The following BHMT variants were observed in gnomAD, a reference collection of about 807,000 sequenced individuals.
BHMT encodes the protein betaine--homocysteine S-methyltransferase 1.
A neutral mutation model predicts 49.5 loss-of-function variants in BHMT; 38 were observed. The observed-to-expected ratio is 0.77, with a 90% CI of 0.59 to 1.01. BHMT has a LOEUF of 1.01. Among genes scored for constraint, BHMT ranks in the 50% least tolerant of loss-of-function variants. The pLI, the probability that BHMT is intolerant of heterozygous loss-of-function variation, is 0.00. For synonymous variants in BHMT, 166 were observed against 176.3 expected, an observed-to-expected ratio of 0.94 and a Z score of 0.46; for missense variants, 426 against 495.7, an observed-to-expected ratio of 0.86 and a Z score of 1.34.
At chr5:79,120,188 G>T in intron 3 of BHMT, 162 bp from the exon 4 acceptor site, 2 of 595,968 alleles carry the variant, frequency 3.4e-6, no homozygotes, top group Non-Finnish European at 2.7e-6. Context: ...TATTGTTATG[G>T]CAAACTGTTC....
rs1756632995 is a variant in BHMT, at chr5:79,131,033, G to C, written c.1138G>C (p.Ala380Pro). The change falls in exon 8 of 8, where the codon GCC becomes CCC. Residue 380 changes from alanine (A) to proline (P), a missense_variant. By Grantham distance (27) the Ala-to-Pro change is conservative. Coordinates refer to ENST00000274353, the MANE Select transcript of BHMT (RefSeq NM_001713.3). ...PDGWGVTKGTAELMQQKEATT... is the reference protein window; with the variant it reads ...PDGWGVTKGTPELMQQKEATT... Reference sequence around the variant, plus strand: ...TGGCTGGGGAGTGACCAAAGGAACAGCCGAGCTGATGCAGCAGAAAGAAGC... The same window carrying C: ...TGGCTGGGGAGTGACCAAAGGAACACCCGAGCTGATGCAGCAGAAAGAAGC... 2 of 1,613,998 alleles carry C rather than the reference G, an allele frequency of 1.2e-6. No individual in the cohort carries two copies. The highest frequency in any genetic ancestry group is 3.3e-5 in the Admixed American group (2 of 60,010).
At chr5:79,128,861 G>T (rs576213508) in intron 7 of BHMT, among the ~76,000 whole-genome samples, 1 of 152,186 alleles carries the variant, frequency 6.6e-6, no homozygotes, top group South Asian at 2.1e-4. Flanking sequence ...ATGAGAAGCC[G>T]TGGATTAGAG....
chr5:79,123,952 G>C (rs2112729526), intron 5 of BHMT, among the ~76,000 whole-genome samples: 1 of 152,268 alleles, frequency 6.6e-6, no homozygotes, highest in South Asian at 2.1e-4. Context: ...ATATCATGCA[G>C]CTATAAGAAG....
intron 3 of BHMT, 30 bp from the exon 4 acceptor site, chr5:79,120,320 T>G: frequency 2.0e-6 from 3 of 1,528,048 alleles, no homozygotes; most frequent in Non-Finnish European, 2.6e-6. Flanking sequence ...ACATGAAAAT[T>G]TAGATGTCTC....
At chr5:79,127,715 G>T (rs757872848) in intron 6 of BHMT, 40 bp from the exon 7 acceptor site, 1 of 1,583,054 alleles carries the variant, frequency 6.3e-7, no homozygotes, top group Admixed American at 1.8e-5. Context: ...TTTATGAAAA[G>T]AATGTATAAT....
intron 4 of BHMT, among the ~76,000 whole-genome samples, chr5:79,120,935 G>A (rs925551873): frequency 6.6e-6 from 1 of 152,052 alleles, no homozygotes; most frequent in East Asian, 1.9e-4. Flanking sequence ...TGTGGATCAC[G>A]AGGTCAGGAG....
chr5:79,125,440 A>T (rs1580273761), intron 5 of BHMT, among the ~76,000 whole-genome samples: 1 of 139,642 alleles, frequency 7.2e-6, no homozygotes, highest in East Asian at 2.2e-4. Context: ...TGGGCAACAG[A>T]GCAAGAGTCT....
intron 5 of BHMT, among the ~76,000 whole-genome samples, chr5:79,121,810 G>A (rs1177377213): frequency 3.2e-5 from 3 of 93,826 alleles, no homozygotes; most frequent in Non-Finnish European, 4.1e-5. Flanking sequence ...GCGAGATTCC[G>A]TCTCAATAAA....
At chr5:79,125,151 T>G (rs1443004131) in intron 5 of BHMT, among the ~76,000 whole-genome samples, 1 of 151,436 alleles carries the variant, frequency 6.6e-6, no homozygotes, top group Non-Finnish European at 1.5e-5. Context: ...ATTCTAATAA[T>G]TTTTTTTTGA....
chr5:79,124,909 C>A (rs573372), intron 5 of BHMT, among the ~76,000 whole-genome samples: 101,369 of 151,952 alleles, frequency 0.67, 34,366 homozygotes, highest in South Asian at 0.82. Flanking sequence ...TTCCTTCTAG[C>A]AAACACGTGT....
At chr5:79,126,683 A>G (rs1756557823) in intron 6 of BHMT, among the ~76,000 whole-genome samples, 1 of 152,162 alleles carries the variant, frequency 6.6e-6, no homozygotes, top group Admixed American at 6.5e-5. Flanking sequence ...CCAATTTTTA[A>G]TATGGCTCAG....
rs886534149 is a variant in BHMT at position 79,119,276 on chromosome 5, G to C, written c.184G>C (p.Glu62Gln). Residue 62 changes from glutamate to glutamine, a missense_variant, in exon 3 of 8, where the codon GAG becomes CAG. Physicochemically the swap from Glu to Gln is conservative, Grantham distance 29. Coordinates refer to ENST00000274353, the MANE Select transcript of BHMT (RefSeq NM_001713.3). Reference sequence around the variant, plus strand: ...TCTCCCAGTTCGCCAGCTTCATCGAGAGTTCCTCAGAGCTGGCTCAAACGT... The same window carrying C: ...TCTCCCAGTTCGCCAGCTTCATCGACAGTTCCTCAGAGCTGGCTCAAACGT... ...HPEAVRQLHR[E>Q]FLRAGSNVMQ... 4.4e-6 allele frequency: 7 copies of C among 1,608,762 alleles called. No homozygotes were observed. The highest frequency in any genetic ancestry group is 5.1e-6 in the Non-Finnish European group (6 of 1,178,782).
intron 2 of BHMT, among the ~76,000 whole-genome samples, chr5:79,117,137 T>C (rs934088905): frequency 2.2e-4 from 34 of 152,318 alleles, no homozygotes; most frequent in African/African-American, 8.2e-4. Context: ...AGGAGTTGTC[T>C]TCAACTGTTT....
intron 5 of BHMT, among the ~76,000 whole-genome samples, chr5:79,123,350 G>A (rs934850068): frequency 2.6e-5 from 4 of 152,192 alleles, no homozygotes; most frequent in African/African-American, 9.6e-5. Context: ...ACTCACCACT[G>A]GATTCCATGG....
chr5:79,115,001 T>A (rs1040802054), intron 1 of BHMT, among the ~76,000 whole-genome samples: 3 of 152,134 alleles, frequency 2.0e-5, no homozygotes, highest in African/African-American at 4.8e-5. Flanking sequence ...GGCTGAAAAA[T>A]CATTCAACAA....
intron 5 of BHMT, among the ~76,000 whole-genome samples, chr5:79,125,069 G>A (rs1210802149): frequency 6.6e-6 from 1 of 152,104 alleles, no homozygotes; most frequent in Non-Finnish European, 1.5e-5. Flanking sequence ...TGGGAGTGTT[G>A]AAAAATTATT....
chr5:79,112,069 C>A, intron 1 of BHMT, 151 bp downstream of exon 1: 1 of 996,636 alleles, frequency 1.0e-6, no homozygotes, highest in Non-Finnish European at 1.4e-6. Context: ...CCAGAATGTG[C>A]TTCCAGAACT....
rs558976898 is a variant in BHMT at position 79,111,937 on chromosome 5, C to A, written c.33+19C>A. The A allele has an allele frequency of 1.3e-6, 2 of 1,581,602 alleles. No homozygotes were observed. Among genetic ancestry groups the A allele is most frequent in the Admixed American group, 1.8e-5 (1 of 56,622 alleles). On this transcript the variant is annotated intron_variant, in intron 1 of 7. Coordinates refer to ENST00000274353, the MANE Select transcript of BHMT (RefSeq NM_001713.3). The stretch of plus-strand genomic sequence containing the variant: ...CAAGAAGGTGAGTCTCCAGGGGACC[C>A]GAGGGCGCTCTCCTTCCCCTCCCAC...
chr5:79,120,217 A>T, intron 3 of BHMT, 133 bp from the exon 4 acceptor site: 3 of 869,632 alleles, frequency 3.4e-6, no homozygotes, highest in Non-Finnish European at 5.0e-6. Context: ...AAAGCTTTGA[A>T]CTATTCCATA....
Sources: allele counts gnomAD v4.1 joint callset (sites outside exome capture counted in the v4.1 genomes callset), GRCh38; gene constraint gnomAD v4.1.1; transcripts MANE v1.5; gene names NCBI Gene and HGNC (gene_info 2026-07-23, HGNC 2026-07-21).